SLC12A5: variants seen among roughly 807,000 people sequenced by gnomAD.
SLC12A5 encodes K-Cl cotransporter 2.
SLC12A5 carries 18 observed loss-of-function variants against 124.0 expected under a neutral mutation model. The observed-to-expected ratio is 0.15, with a 90% CI of 0.10 to 0.22. The LOEUF is 0.22. Ranked by LOEUF, SLC12A5 falls within the 10% of genes least tolerant of loss-of-function variation. The pLI, the probability that SLC12A5 is intolerant of heterozygous loss-of-function variation, is 1.00. For synonymous variants in SLC12A5, 589 were observed against 568.0 expected, an observed-to-expected ratio of 1.04 and a Z score of -0.53; for missense variants, 867 against 1,478.7, an observed-to-expected ratio of 0.59 and a Z score of 6.78.
intron 6 of SLC12A5, among the ~76,000 whole-genome samples, chr20:46,037,592 C>T (rs1018054183): frequency 7.2e-5 from 11 of 152,178 alleles, no homozygotes; most frequent in African/African-American, 2.4e-4. Context: ...ACACAGCTGT[C>T]GTTTATCAGG....
intron 8 of SLC12A5, among the ~76,000 whole-genome samples, chr20:46,042,458 T>C (rs2084556022): frequency 6.6e-6 from 1 of 152,046 alleles, no homozygotes; most frequent in Non-Finnish European, 1.5e-5. Context: ...ATTACTGCAG[T>C]GCTTCTCAAC....
Position 46,057,487 on chromosome 20 carries a change from G to C in SLC12A5, c.3260-27G>C. 6.2e-7 allele frequency: 1 copy of C among 1,612,472 alleles called. No individual in the cohort carries two copies. Among genetic ancestry groups the C allele is most frequent in the Non-Finnish European group, 8.5e-7 (1 of 1,178,544 alleles). ...AATTTCGTCGGGAGGGAAGGAGACC[G>C]GGTCTTTCTCCTTGACCGGCTCTCA... On this transcript the variant is annotated intron_variant, in intron 25 of 25. Coordinates refer to ENST00000243964, the MANE Select transcript of SLC12A5 (RefSeq NM_020708.5). The surrounding 1 kb of genome is among the most constrained non-coding windows in gnomAD (Gnocchi z 7.1).
Position 46,053,579 on chromosome 20 carries a change from T to G in SLC12A5, c.2549T>G (p.Val850Gly). 6.2e-7 allele frequency: 1 copy of G among 1,613,824 alleles called. No homozygotes were observed. Residue 850 changes from valine to glycine, a missense_variant and splice_region_variant, in exon 20 of 26, where the codon GTC (valine) becomes GGC (glycine). Physicochemically the swap from Val to Gly is moderately radical, Grantham distance 109 (BLOSUM62 -3). Coordinates refer to ENST00000243964, the MANE Select transcript of SLC12A5 (RefSeq NM_020708.5). The surrounding 1 kb of genome is among the most constrained non-coding windows in gnomAD (Gnocchi z 4.7). Reference sequence around the variant, plus strand: ...CTGAATCCCCTTCATCGCCTGCAGGTCTGGCGGAAGTGCAAGATGCGTATC... The same window carrying G: ...CTGAATCCCCTTCATCGCCTGCAGGGCTGGCGGAAGTGCAAGATGCGTATC... ...LLPFLLRHHK[V>G]WRKCKMRIFT...
upstream of SLC12A5, chr20:46,021,715 C>T (rs2084355982): frequency 4.6e-6 from 7 of 1,526,862 alleles, no homozygotes; most frequent in Non-Finnish European, 1.7e-6. Flanking sequence ...TGGTTGCAGC[C>T]ACTTGTGCGA....
intron 1 of SLC12A5, chr20:46,022,092 C>T: frequency 2.3e-6 from 1 of 430,280 alleles, no homozygotes; most frequent in Non-Finnish European, 3.5e-6. Flanking sequence ...AGGGGCCAAA[C>T]GCGAGGTGGG....
rs995737900 is a variant in SLC12A5 at position 46,021,868 on chromosome 20, C to A, written c.31C>A (p.Pro11Thr). Reference sequence around the variant, plus strand: ...TTCGGTCGCAGACCCCCGCCACCTCCCGGGGGAAGACGTCAAAGGTAGAGG... The same window carrying A: ...TTCGGTCGCAGACCCCCGCCACCTCACGGGGGAAGACGTCAAAGGTAGAGG... Residue 11 changes from proline (P) to threonine (T), a missense_variant, in exon 1 of 3, where the codon CCG (proline) becomes ACG (threonine). Physicochemically the swap from Pro to Thr is conservative, Grantham distance 38 (BLOSUM62 -1). Transcript: ENST00000413737. The A allele has an allele frequency of 1.4e-5, 22 of 1,529,802 alleles. No individual in the cohort carries two copies. The East Asian group carries it at 1.7e-4, about 12-fold the overall frequency. The allele number at this position is 1,529,802 out of a possible 1,614,324, so 94.8% of individuals were successfully genotyped here. A position where few individuals can be genotyped will look rare whatever the true frequency, so the allele number is the denominator to read the frequency against.
At chr20:46,030,464 G>A (rs1161806211) in intron 1 of SLC12A5, among the ~76,000 whole-genome samples, 1 of 139,068 alleles carries the variant, frequency 7.2e-6, no homozygotes, top group Non-Finnish European at 1.6e-5. Context: ...CAGGCTCCCA[G>A]GCCCCCCGCC....
chr20:46,032,045 G>A (rs1182441245), intron 1 of SLC12A5, among the ~76,000 whole-genome samples: 2 of 152,264 alleles, frequency 1.3e-5, no homozygotes, highest in Non-Finnish European at 2.9e-5. Flanking sequence ...CTACTGGAAA[G>A]GCGGGACCCA....
At position 46,057,232 on chromosome 20, in the gene SLC12A5, A is replaced by C; in HGVS notation, c.3188A>C (p.Lys1063Thr). The change falls in exon 25 of 26, where the codon AAA becomes ACA. Residue 1063 changes from lysine (K) to threonine (T), a missense_variant. By Grantham distance (78) the Lys-to-Thr change is moderately conservative (BLOSUM62 -1). Transcript: ENST00000243964. The surrounding 1 kb of genome is among the most constrained non-coding windows in gnomAD (Gnocchi z 7.1). ...CGGCTGAACGAGGTCATCGTGAAGA[A>C]ATCCCGGGACGCCAAGCTTGTTTTG... ...AVRLNEVIVK[K>T]SRDAKLVLLN... The C allele has an allele frequency of 6.2e-7, 1 of 1,614,200 alleles. No homozygotes were observed. The highest frequency in any genetic ancestry group is 8.5e-7 in the Non-Finnish European group (1 of 1,180,028).
chr20:46,056,279 A>C lies in SLC12A5; in HGVS notation c.2910+7A>C, dbSNP rs370981994. The C allele has an allele frequency of 8.1e-6, 13 of 1,614,096 alleles. No homozygotes were observed. The highest frequency in any genetic ancestry group is 1.1e-5 in the Non-Finnish European group (13 of 1,179,960). On this transcript the variant is annotated splice_region_variant and intron_variant, in intron 22 of 25. Transcript: ENST00000243964. This position sits in a 1 kb window ranked among gnomAD's most constrained non-coding sequence, Gnocchi z 4.3. ...AGAGAAGCCAGAGGAGGAGGTGTGCAGCTTGGGTGGTTTGGCCCCAACCAG... is the reference window on the plus strand; with the variant it reads ...AGAGAAGCCAGAGGAGGAGGTGTGCCGCTTGGGTGGTTTGGCCCCAACCAG...
At chr20:46,052,814 T>G in intron 18 of SLC12A5, 143 bp from the exon 19 acceptor site, 1 of 825,360 alleles carries the variant, frequency 1.2e-6, no homozygotes, top group Non-Finnish European at 1.9e-6. Flanking sequence ...TAGATGCTGG[T>G]TTTCTGACCA....
chr20:46,046,053 C>A, intron 13 of SLC12A5, 57 bp downstream of exon 13: 1 of 1,528,190 alleles, frequency 6.5e-7, no homozygotes, highest in Non-Finnish European at 9.1e-7. Flanking sequence ...CTATCTGAAT[C>A]CTGCAGCCGT....
intron 21 of SLC12A5, chr20:46,055,826 G>A (rs878933932): frequency 9.5e-6 from 3 of 317,212 alleles, no homozygotes. Context: ...TGTTATCCAA[G>A]GGAGGTAGTA....
At chr20:46,051,382 G>A (rs1158033979) in intron 17 of SLC12A5, among the ~76,000 whole-genome samples, 1 of 152,138 alleles carries the variant, frequency 6.6e-6, no homozygotes, top group African/African-American at 2.4e-5. Flanking sequence ...GCAGGGGCTT[G>A]TGTCAGGGTG....
At position 46,057,024 on chromosome 20, in the gene SLC12A5, G is replaced by A; in HGVS notation, c.3125+113G>A. On this transcript the variant is annotated intron_variant, in intron 24 of 25. Coordinates refer to ENST00000243964, the MANE Select transcript of SLC12A5 (RefSeq NM_020708.5). This position sits in a 1 kb window ranked among gnomAD's most constrained non-coding sequence, Gnocchi z 7.1. ...CCACGACCTCTGGGATCTCTGAATA[G>A]CCTAGCCTGGAGATGTTTAGGATTG... 6.3e-7 allele frequency: 1 copy of A among 1,590,190 alleles called. No homozygotes were observed. Among genetic ancestry groups the A allele is most frequent in the Non-Finnish European group, 8.6e-7 (1 of 1,159,768 alleles).
intron 20 of SLC12A5, 46 bp from the exon 21 acceptor site, chr20:46,054,870 G>A (rs369895457): frequency 4.0e-5 from 57 of 1,417,568 alleles, no homozygotes; most frequent in Admixed American, 2.2e-4. Flanking sequence ...GCTTTCCTCC[G>A]TGTTCCTCTC....
chr20:46,048,000 G>A lies in SLC12A5; in HGVS notation c.1927G>A (p.Asp643Asn), dbSNP rs1489822655. ...TCCCAGGGCAGAGAAGGAGTGGGGCGATGGGATACGAGGTCTGTCTCTCAG... is the reference window on the plus strand; with the variant it reads ...TCCCAGGGCAGAGAAGGAGTGGGGCAATGGGATACGAGGTCTGTCTCTCAG... ...EYRGAEKEWG[D>N]GIRGLSLSAA... Residue 643 changes from aspartate to asparagine, a missense_variant, in exon 16 of 26, where the codon GAT becomes AAT. Transcript: ENST00000243964. The A allele has an allele frequency of 1.9e-6, 3 of 1,611,622 alleles. No homozygotes were observed. Among genetic ancestry groups the A allele is most frequent in the Admixed American group, 1.7e-5 (1 of 59,728 alleles).
At chr20:46,037,427 A>C in intron 6 of SLC12A5, 42 bp downstream of exon 6, 1 of 1,577,620 alleles carries the variant, frequency 6.3e-7, no homozygotes, top group Non-Finnish European at 8.6e-7. Context: ...CCAGGTTGTC[A>C]GTCAGTTAAT....
At chr20:46,040,310 C>T (rs59253654) in intron 6 of SLC12A5, 63 bp from the exon 7 acceptor site, 43,572 of 1,590,254 alleles carry the variant, frequency 0.027, 1,140 homozygotes, top group Admixed American at 0.14. Context: ...TTTCCTAAAG[C>T]GCTGCATGTA....
Sources: gnomAD v4.1 joint callset for allele counts (sites outside exome capture counted in the v4.1 genomes callset) on GRCh38, gnomAD v4.1.1 for gene constraint, Gnocchi (gnomAD v3.1) non-coding constraint, MANE v1.5 for transcripts, NCBI Gene and HGNC (gene_info 2026-07-23, HGNC 2026-07-21) for gene names.